The following NBPF3 variants were observed in gnomAD, a reference collection of about 807,000 sequenced individuals.
NBPF3 encodes the protein NBPF family member NBPF3.
NBPF3 carries 57 observed loss-of-function variants against 78.1 expected under a neutral mutation model. The observed-to-expected ratio is 0.73, with a 90% CI of 0.59 to 0.91. The LOEUF is 0.91. Ranked by LOEUF, NBPF3 falls within the 40% of genes least tolerant of loss-of-function variation. NBPF3 has a pLI of 0.00. For missense variants in NBPF3, 510 were observed against 715.3 expected (o/e 0.71, Z 3.27); for synonymous variants, 182 against 271.7 (o/e 0.67, Z 3.25).
chr1:21,479,808 C>G lies in NBPF3; in HGVS notation c.1209-243C>G, dbSNP rs867878090. ...GAGCTCACTATCTCTCTCTCTCTCT[C>G]TCTCTCTCTCTCTGTGTGTGTGTGT... On this transcript the variant is annotated intron_variant, in intron 10 of 14. Transcript: ENST00000318249. Among the ~76,000 whole-genome samples, 6 of 78,000 alleles carry G rather than the reference C, an allele frequency of 7.7e-5. No individual in the cohort carries two copies. In the East Asian group the frequency reaches 3.8e-3, roughly 49 times the overall value. 51.2% of individuals were successfully genotyped at this position (78,000 alleles called of 152,430 possible).
intron 2 of NBPF3, among the ~76,000 whole-genome samples, chr1:21,453,062 T>G (rs1641399687): frequency 6.6e-6 from 1 of 152,152 alleles, no homozygotes; most frequent in Non-Finnish European, 1.5e-5. Flanking sequence ...CCCCATGACA[T>G]CCCCTCCTTC....
In NBPF3 at chr1:21,472,923, T is replaced by C. The variant is rs555001614; in HGVS notation, c.734+8T>C. ...GGAATTATATGCCCCCAGGTAACGCTGAATAATCGGGAGCAAGTAATGGGT... is the reference window on the plus strand; with the variant it reads ...GGAATTATATGCCCCCAGGTAACGCCGAATAATCGGGAGCAAGTAATGGGT... On this transcript the variant is annotated splice_region_variant and intron_variant, in intron 6 of 14. Transcript: ENST00000318249. 21 of 1,601,926 alleles carry C rather than the reference T, an allele frequency of 1.3e-5. No individual in the cohort carries two copies. The South Asian group carries it at 2.0e-4, about 15-fold the overall frequency.
intron 8 of NBPF3, among the ~76,000 whole-genome samples, chr1:21,475,428 A>C (rs971246865): frequency 6.6e-6 from 1 of 152,154 alleles, no homozygotes; most frequent in Non-Finnish European, 1.5e-5. Context: ...ACACTGCTTT[A>C]AATGTGTCCC....
intron 6 of NBPF3, among the ~76,000 whole-genome samples, chr1:21,473,129 G>A (rs1429141183): frequency 6.6e-6 from 1 of 152,184 alleles, no homozygotes; most frequent in East Asian, 1.9e-4. Flanking sequence ...GGATAGCTGA[G>A]TTTTCATCCT....
chr1:21,470,113 C>G (rs1452096556), intron 3 of NBPF3, among the ~76,000 whole-genome samples: 1 of 152,190 alleles, frequency 6.6e-6, no homozygotes, highest in African/African-American at 2.4e-5. Flanking sequence ...GGTCTTACGT[C>G]TCATCCTTTA....
At chr1:21,470,063 C>T (rs995221650) in intron 3 of NBPF3, among the ~76,000 whole-genome samples, 8 of 152,206 alleles carry the variant, frequency 5.3e-5, no homozygotes, top group African/African-American at 1.9e-4. Context: ...TAAATTAACA[C>T]AAACCTTAGT....
At chr1:21,461,342 A>T (rs1296701413) in intron 2 of NBPF3, among the ~76,000 whole-genome samples, 1 of 112,760 alleles carries the variant, frequency 8.9e-6, no homozygotes, top group Non-Finnish European at 2.0e-5. Flanking sequence ...TTGTGTGATA[A>T]TCATACAAAC....
upstream of NBPF3, among the ~76,000 whole-genome samples, chr1:21,438,750 C>T (rs967398243): frequency 6.6e-6 from 1 of 152,172 alleles, no homozygotes; most frequent in African/African-American, 2.4e-5. Flanking sequence ...TCACGTGGCT[C>T]GTCCTGATCT....
chr1:21,440,945 A>T (rs1012030452), intron 1 of NBPF3: 13 of 151,834 alleles, frequency 8.6e-5, no homozygotes, highest in African/African-American at 3.1e-4. Flanking sequence ...TGCTGTTTGC[A>T]CTCCGAGGAG....
chr1:21,467,661 A>C (rs917421580), intron 2 of NBPF3, among the ~76,000 whole-genome samples: 1 of 152,222 alleles, frequency 6.6e-6, no homozygotes, highest in African/African-American at 2.4e-5. Flanking sequence ...GGAAACAACA[A>C]AATAGCATCA....
chr1:21,439,700 C>T (rs566286918), upstream of NBPF3, among the ~76,000 whole-genome samples: 38 of 151,820 alleles, frequency 2.5e-4, no homozygotes, highest in African/African-American at 8.9e-4. Context: ...AGGCTGGTCT[C>T]GAACTCCAGG....
At chr1:21,475,041 T>A in intron 8 of NBPF3, 90 bp downstream of exon 8, 1 of 1,100,926 alleles carries the variant, frequency 9.1e-7, no homozygotes, top group Non-Finnish European at 1.4e-6. Context: ...GAATAGAACT[T>A]TTTATTCCAT....
chr1:21,445,675 G>A (rs892488899), intron 2 of NBPF3, among the ~76,000 whole-genome samples: 32 of 152,154 alleles, frequency 2.1e-4, no homozygotes, highest in African/African-American at 6.8e-4. Flanking sequence ...GATGTGTCTC[G>A]TTTTAGGCAG....
upstream of NBPF3, chr1:21,437,291 G>C: frequency 2.4e-6 from 1 of 412,822 alleles, no homozygotes; most frequent in Non-Finnish European, 4.4e-6. Flanking sequence ...GAGTGTGCCT[G>C]GGGGTTTGTC....
At chr1:21,479,510 C>A in intron 10 of NBPF3, 110 bp downstream of exon 10, 1 of 953,296 alleles carries the variant, frequency 1.0e-6, no homozygotes, top group Non-Finnish European at 1.7e-6. Flanking sequence ...TCAGACAAGT[C>A]TGAATTATGT....
intron 2 of NBPF3, 57 bp downstream of exon 2, chr1:21,445,276 T>C (rs1388102516): frequency 6.3e-7 from 1 of 1,579,574 alleles, no homozygotes; most frequent in African/African-American, 1.4e-5. Flanking sequence ...CTTTCTATTA[T>C]AACTCAGATG....
rs1641878917 is a variant in NBPF3, at chr1:21,460,299, GTGCCATGTTGGTT to G, written c.134-8385_134-8373del. On this transcript the variant is annotated intron_variant, in intron 2 of 14. Transcript: ENST00000318249. The surrounding 1 kb of genome is among the most constrained non-coding windows in gnomAD (Gnocchi z 4.2). ...GCAGGTTTGTTACATAGGTGTACAT[GTGCCATGTTGGTT>G]TGCTGCACCCATTAACTCGTCATTT... Among the ~76,000 whole-genome samples the G allele has an allele frequency of 1.3e-5, 2 of 152,192 alleles. No homozygotes were observed. The highest frequency in any genetic ancestry group is 4.8e-5 in the African/African-American group (2 of 41,432).
At chr1:21,459,054 A>G (rs1196755290) in intron 2 of NBPF3, among the ~76,000 whole-genome samples, 18 of 152,238 alleles carry the variant, frequency 1.2e-4, no homozygotes, top group Admixed American at 1.2e-3. Context: ...AGCGGGTACA[A>G]GGCCCGTAAA....
intron 2 of NBPF3, among the ~76,000 whole-genome samples, chr1:21,457,382 G>GTATATATATGTATT (rs1641680792): frequency 2.7e-5 from 4 of 148,614 alleles, no homozygotes; most frequent in Admixed American, 6.7e-5. Flanking sequence ...ATATATGTAT[G>GTATATATATGTATT]TATATATATG....
Sources: gnomAD v4.1 joint callset for allele counts (sites outside exome capture counted in the v4.1 genomes callset) on GRCh38, gnomAD v4.1.1 for gene constraint, Gnocchi (gnomAD v3.1) non-coding constraint, MANE v1.5 for transcripts, NCBI Gene and HGNC (gene_info 2026-07-23, HGNC 2026-07-21) for gene names.